The following BACE2 variants were observed in gnomAD, a reference collection of about 807,000 sequenced individuals.
The protein encoded by BACE2 is 56 kDa aspartic-like protease.
Under a neutral mutation model 46.2 loss-of-function variants are expected in BACE2, and 17 were observed. The ratio of observed to expected loss-of-function variants is 0.37; its 90% CI spans 0.25 to 0.55. The LOEUF is 0.55. BACE2 is among the 20% of genes least tolerant of loss of function. BACE2 has a pLI of 0.82. For missense variants in BACE2, 595 were observed against 698.1 expected, an observed-to-expected ratio of 0.85 and a Z score of 1.66; for synonymous variants, 277 against 295.9, an observed-to-expected ratio of 0.94 and a Z score of 0.66.
chr21:41,174,073 C>A (rs1392294555), intron 1 of BACE2, among the ~76,000 whole-genome samples: 7 of 149,470 alleles, frequency 4.7e-5, no homozygotes, highest in Non-Finnish European at 8.8e-5. Flanking sequence ...CCCTTGCCTG[C>A]CCATTTTTCC....
chr21:41,241,966 TA>T lies in BACE2; in HGVS notation c.747+22del. Reference sequence around the variant, plus strand: ...TAGTCTTGTGGGTATCTTTTAGTCTTAAAGGGGCGAAAAATCACAGATGGAT... The same window carrying T: ...TAGTCTTGTGGGTATCTTTTAGTCTTAAGGGGCGAAAAATCACAGATGGAT... On this transcript the variant is annotated intron_variant, in intron 4 of 8. Transcript: ENST00000330333. 1.2e-6 allele frequency: 2 copies of T among 1,611,382 alleles called. No individual in the cohort carries two copies. Among genetic ancestry groups the T allele is most frequent in the Non-Finnish European group, 1.7e-6 (2 of 1,179,354 alleles).
intron 8 of BACE2, among the ~76,000 whole-genome samples, chr21:41,261,767 T>C (rs1404547708): frequency 6.6e-6 from 1 of 152,120 alleles, no homozygotes; most frequent in Non-Finnish European, 1.5e-5. Flanking sequence ...GCATCCTTAT[T>C]GAATATATAA....
chr21:41,226,207 T>C, intron 1 of BACE2, 59 bp from the exon 2 acceptor site: 2 of 1,318,152 alleles, frequency 1.5e-6, no homozygotes, highest in South Asian at 1.3e-5. Context: ...TTCAAGAGTA[T>C]TGCCTTATTA....
chr21:41,229,779 G>A (rs1601289740), intron 2 of BACE2, among the ~76,000 whole-genome samples: 1 of 152,194 alleles, frequency 6.6e-6, no homozygotes, highest in East Asian at 1.9e-4. Flanking sequence ...GATGGTTCCT[G>A]TTTTCCATCC....
intron 1 of BACE2, among the ~76,000 whole-genome samples, chr21:41,214,405 A>G (rs1568870566): frequency 6.6e-6 from 1 of 152,182 alleles, no homozygotes; most frequent in Non-Finnish European, 1.5e-5. Flanking sequence ...TCCCTCTTTT[A>G]TAATTATTTT....
At chr21:41,205,553 C>G (rs1167473571) in intron 1 of BACE2, among the ~76,000 whole-genome samples, 1 of 152,178 alleles carries the variant, frequency 6.6e-6, no homozygotes, top group Non-Finnish European at 1.5e-5. Flanking sequence ...GTTGGCAATT[C>G]GCTTCCCCAT....
chr21:41,206,699 G>A (rs1250694325), intron 1 of BACE2, among the ~76,000 whole-genome samples: 2 of 152,200 alleles, frequency 1.3e-5, no homozygotes, highest in African/African-American at 2.4e-5. Context: ...AGTTCCTCAG[G>A]TGGGTGATGA....
At chr21:41,203,332 G>A (rs1986019618) in intron 1 of BACE2, among the ~76,000 whole-genome samples, 1 of 152,230 alleles carries the variant, frequency 6.6e-6, no homozygotes, top group South Asian at 2.1e-4. Context: ...AAAAGGAGGG[G>A]TGGGAGAGCA....
intron 6 of BACE2, 103 bp downstream of exon 6, chr21:41,246,166 G>A: frequency 4.2e-6 from 3 of 716,262 alleles, no homozygotes; most frequent in Non-Finnish European, 6.5e-6. Context: ...ATTGCGCCAT[G>A]TATTTCCAAT....
At chr21:41,239,743 C>T (rs1987235209) in intron 3 of BACE2, among the ~76,000 whole-genome samples, 1 of 152,228 alleles carries the variant, frequency 6.6e-6, no homozygotes, top group African/African-American at 2.4e-5. Context: ...TGAAATCAGG[C>T]ATGGAGCTTC....
intron 1 of BACE2, chr21:41,183,529 A>T (rs1985227932): frequency 6.0e-6 from 1 of 166,608 alleles, no homozygotes. Flanking sequence ...CCCGATAGGT[A>T]TGGAAAACAG....
At chr21:41,198,471 A>G (rs1985819679) in intron 1 of BACE2, among the ~76,000 whole-genome samples, 1 of 152,216 alleles carries the variant, frequency 6.6e-6, no homozygotes, top group Non-Finnish European at 1.5e-5. Context: ...AATATCACAG[A>G]TGCTCAGGAG....
chr21:41,273,968 G>A (rs1250586632), intron 8 of BACE2, among the ~76,000 whole-genome samples: 1 of 152,208 alleles, frequency 6.6e-6, no homozygotes, highest in East Asian at 1.9e-4. Flanking sequence ...TCTCCAAGGT[G>A]ATGATATTTG....
chr21:41,226,190 A>T lies in BACE2; in HGVS notation c.313-76A>T, dbSNP rs967991610. The T allele has an allele frequency of 7.8e-6, 9 of 1,148,392 alleles. No homozygotes were observed. The African/African-American group carries it at 1.2e-4, about 16-fold the overall frequency. 71.1% of individuals were successfully genotyped at this position (1,148,392 alleles called of 1,614,324 possible). On this transcript the variant is annotated intron_variant, in intron 1 of 8. Coordinates refer to ENST00000330333, the MANE Select transcript of BACE2 (RefSeq NM_012105.5). ...ATTATTCTTGCTACTTAGTTTTAAAAACATTATTCAAGAGTATTGCCTTAT... is the reference window on the plus strand; with the variant it reads ...ATTATTCTTGCTACTTAGTTTTAAATACATTATTCAAGAGTATTGCCTTAT...
At chr21:41,271,203 T>C (rs1363753919) in intron 8 of BACE2, among the ~76,000 whole-genome samples, 1 of 148,802 alleles carries the variant, frequency 6.7e-6, no homozygotes, top group Admixed American at 6.6e-5. Context: ...AAAAGTGAGT[T>C]TCCTGTAGGG....
chr21:41,237,814 T>G, intron 3 of BACE2, 85 bp downstream of exon 3: 1 of 1,149,540 alleles, frequency 8.7e-7, no homozygotes, highest in Non-Finnish European at 1.3e-6. Flanking sequence ...CACATGAGTC[T>G]TGGGCTGTTC....
At chr21:41,174,432 C>A (rs116051585) in intron 1 of BACE2, among the ~76,000 whole-genome samples, 3 of 152,128 alleles carry the variant, frequency 2.0e-5, no homozygotes, top group South Asian at 2.1e-4. Flanking sequence ...TGAGCCACCG[C>A]GCGGCCAAGT....
At chr21:41,202,156 G>A (rs775614749) in intron 1 of BACE2, among the ~76,000 whole-genome samples, 3 of 152,186 alleles carry the variant, frequency 2.0e-5, no homozygotes, top group Non-Finnish European at 4.4e-5. Flanking sequence ...TGAGCTGTTT[G>A]TTATTTGTTA....
chr21:41,201,234 C>T (rs774236602), intron 1 of BACE2, among the ~76,000 whole-genome samples: 6 of 152,250 alleles, frequency 3.9e-5, no homozygotes, highest in Non-Finnish European at 8.8e-5. Flanking sequence ...ATAACAGACA[C>T]ATACTTAGTA....
Sources: allele counts gnomAD v4.1 joint callset (sites outside exome capture counted in the v4.1 genomes callset), GRCh38; gene constraint gnomAD v4.1.1; transcripts MANE v1.5; gene names NCBI Gene and HGNC (gene_info 2026-07-23, HGNC 2026-07-21).